SLC26A4: variants seen among roughly 807,000 people sequenced by gnomAD.
SLC26A4 encodes solute carrier family 26 member 4, also known as pendrin.
SLC26A4 carries 93 observed loss-of-function variants against 90.4 expected under a neutral mutation model. That is an observed-to-expected ratio of 1.03 (90% CI 0.87 to 1.22). The LOEUF is 1.22. Ranked by LOEUF, SLC26A4 falls within the 50% of genes most tolerant of loss-of-function variation. The pLI is 0.00. For synonymous variants in SLC26A4, 393 were observed against 354.6 expected, an observed-to-expected ratio of 1.11 and a Z score of -1.22; for missense variants, 1,127 against 946.2, an observed-to-expected ratio of 1.19 and a Z score of -2.51.
chr7:107,695,937 T>A lies in SLC26A4; in HGVS notation c.1442T>A (p.Ile481Asn). Residue 481 changes from isoleucine to asparagine, a missense_variant, in exon 13 of 21, where the codon ATC (isoleucine) becomes AAC (asparagine). Transcript: ENST00000644269. ...CATTTCTATTTTTTTCCCTAGGTTA[T>A]CTGGGTGTTTACGTGTATAGTGTCC... ...LWRQNKIDAVIWVFTCIVSII... is the reference protein window; with the variant it reads ...LWRQNKIDAVNWVFTCIVSII... 6.4e-7 allele frequency: 1 copy of A among 1,569,880 alleles called. No homozygotes were observed. The highest frequency in any genetic ancestry group is 8.8e-7 in the Non-Finnish European group (1 of 1,139,932).
chr7:107,664,216 T>A (rs1231045698), intron 3 of SLC26A4, among the ~76,000 whole-genome samples: 1 of 152,124 alleles, frequency 6.6e-6, no homozygotes, highest in Non-Finnish European at 1.5e-5. Flanking sequence ...CACGTGGATC[T>A]TTTTTGTTGG....
intron 4 of SLC26A4, among the ~76,000 whole-genome samples, chr7:107,672,742 T>G (rs1790909055): frequency 6.6e-6 from 1 of 152,220 alleles, no homozygotes; most frequent in Non-Finnish European, 1.5e-5. Flanking sequence ...ATTAGAAGAC[T>G]GGCAAAATCT....
intron 14 of SLC26A4, 96 bp from the exon 15 acceptor site, chr7:107,699,987 C>A (rs1428509582): frequency 5.1e-6 from 4 of 783,218 alleles, no homozygotes; most frequent in Non-Finnish European, 9.3e-6. Context: ...CTCCTCTGAG[C>A]AACTGTGACT....
rs1223288772 is a variant in SLC26A4 at position 107,694,685 on chromosome 7, C to T, written c.1406C>T (p.Pro469Leu). The T allele has an allele frequency of 6.2e-7, 1 of 1,613,244 alleles. No individual in the cohort carries two copies. The highest frequency in any genetic ancestry group is 8.5e-7 in the Non-Finnish European group (1 of 1,179,260). Residue 469 changes from proline to leucine, a missense_variant, in exon 12 of 21, where the codon CCT becomes CTT. Physicochemically the swap from Pro to Leu is moderately conservative, Grantham distance 98. Transcript: ENST00000644269. The part of the protein sequence containing the change: ...KGMFMQLCDI[P>L]RLWRQNKIDA... Reference sequence around the variant, plus strand: ...ATGTTTATGCAGCTGTGTGACATTCCTCGTCTGTGGAGACAGAATAAGATT... The same window carrying T: ...ATGTTTATGCAGCTGTGTGACATTCTTCGTCTGTGGAGACAGAATAAGATT...
chr7:107,687,090 G>A (rs1017182011), intron 8 of SLC26A4, among the ~76,000 whole-genome samples: 31 of 152,140 alleles, frequency 2.0e-4, no homozygotes, highest in African/African-American at 7.0e-4. Context: ...CTGGCCTGTC[G>A]TTTGTGGAAT....
intron 3 of SLC26A4, among the ~76,000 whole-genome samples, chr7:107,669,996 A>G (rs1790820191): frequency 6.6e-6 from 1 of 152,202 alleles, no homozygotes; most frequent in Non-Finnish European, 1.5e-5. Context: ...CTGCATTGGC[A>G]GTAATTTATT....
chr7:107,681,154 T>G (rs923140639), intron 6 of SLC26A4, among the ~76,000 whole-genome samples: 1 of 152,194 alleles, frequency 6.6e-6, no homozygotes, highest in Non-Finnish European at 1.5e-5. Context: ...TTTCAGTGAC[T>G]CTGAAAACCA....
intron 6 of SLC26A4, among the ~76,000 whole-genome samples, chr7:107,677,297 T>C (rs1791050783): frequency 1.3e-5 from 2 of 152,222 alleles, no homozygotes; most frequent in African/African-American, 4.8e-5. Context: ...CCATGATGTT[T>C]ATACTCAACT....
intron 3 of SLC26A4, among the ~76,000 whole-genome samples, chr7:107,671,768 C>T (rs1790873524): frequency 6.6e-6 from 1 of 152,174 alleles, no homozygotes; most frequent in African/African-American, 2.4e-5. Context: ...CCTAATAACC[C>T]ATTGCAAGTT....
At chr7:107,699,287 T>C (rs1182308074) in intron 14 of SLC26A4, among the ~76,000 whole-genome samples, 1 of 152,140 alleles carries the variant, frequency 6.6e-6, no homozygotes, top group African/African-American at 2.4e-5. Flanking sequence ...TAGACTAAAA[T>C]TGCTGATTCC....
rs372875358 is a variant in SLC26A4, at chr7:107,674,320, C to T, written c.572C>T (p.Ala191Val). 8.1e-6 allele frequency: 13 copies of T among 1,613,376 alleles called. No individual in the cohort carries two copies. In the South Asian group the frequency reaches 1.3e-4, roughly 16 times the overall value. ...RDTARVLIASALTLLVGIIQL... is the reference protein window; with the variant it reads ...RDTARVLIASVLTLLVGIIQL... The stretch of plus-strand genomic sequence containing the variant: ...ACAGCTAGAGTCCTGATTGCCAGTG[C>T]CCTGACTCTGCTGGTTGGAATTATA... The change falls in exon 5 of 21, where the codon GCC (alanine) becomes GTC (valine). Residue 191 changes from alanine to valine, a missense_variant. Transcript: ENST00000644269.
At chr7:107,675,239 G>T in intron 6 of SLC26A4, 130 bp downstream of exon 6, 1 of 817,040 alleles carries the variant, frequency 1.2e-6, no homozygotes, top group Non-Finnish European at 2.1e-6. Context: ...GCCGAGGTGG[G>T]CAGATTGCTT....
In SLC26A4 at chr7:107,686,294, A is replaced by ACCTTCCCTC. The variant is rs143524153; in HGVS notation, c.1002-2736_1002-2728dup. Among the ~76,000 whole-genome samples, 137 of 107,022 alleles carry ACCTTCCCTC rather than the reference A, an allele frequency of 1.3e-3. 1 individual carries two copies. Among genetic ancestry groups the ACCTTCCCTC allele is most frequent in the African/African-American group, 3.8e-3 (101 of 26,550 alleles). The allele number at this position is 107,022 out of a possible 152,430, so 70.2% of individuals were successfully genotyped here. On this transcript the variant is annotated intron_variant, in intron 8 of 20. Transcript: ENST00000644269. ...CTTCCCTCCCTTCCCTCCCTTTCCT[A>ACCTTCCCTC]CCTTCCCTCCCTTCCCTCCCTTCCC...
intron 15 of SLC26A4, 91 bp from the exon 16 acceptor site, chr7:107,701,010 C>T (rs1791869889): frequency 1.2e-6 from 1 of 813,278 alleles, no homozygotes; most frequent in Non-Finnish European, 2.2e-6. Context: ...AGGAATTATA[C>T]CCTTTGAGAA....
chr7:107,696,067 A>G (rs936220116), intron 13 of SLC26A4, 28 bp downstream of exon 13: 2 of 1,239,052 alleles, frequency 1.6e-6, no homozygotes, highest in Non-Finnish European at 2.4e-6. Flanking sequence ...CAGATTTCCT[A>G]TAAACAGAAC....
intron 15 of SLC26A4, 93 bp downstream of exon 15, chr7:107,700,268 C>T (rs1791852598): frequency 5.6e-6 from 4 of 718,912 alleles, no homozygotes; most frequent in Non-Finnish European, 1.0e-5. Context: ...CAGGAATAGG[C>T]CCTAGACCCT....
At chr7:107,665,358 G>A (rs1336967997) in intron 3 of SLC26A4, among the ~76,000 whole-genome samples, 1 of 152,214 alleles carries the variant, frequency 6.6e-6, no homozygotes, top group Non-Finnish European at 1.5e-5. Flanking sequence ...GATCAAGCAT[G>A]TTCTTAATCA....
At chr7:107,665,395 A>G (rs1790679161) in intron 3 of SLC26A4, among the ~76,000 whole-genome samples, 1 of 152,056 alleles carries the variant, frequency 6.6e-6, no homozygotes, top group Non-Finnish European at 1.5e-5. Context: ...AGAGACTAGG[A>G]TGGGCTGTGT....
chr7:107,670,429 A>G (rs534683745), intron 3 of SLC26A4, among the ~76,000 whole-genome samples: 2 of 151,882 alleles, frequency 1.3e-5, no homozygotes, highest in Non-Finnish European at 2.9e-5. Context: ...TTTAATGCGT[A>G]CACTCCCACA....
Sources: allele counts gnomAD v4.1 joint callset (sites outside exome capture counted in the v4.1 genomes callset), GRCh38; gene constraint gnomAD v4.1.1; transcripts MANE v1.5; gene names NCBI Gene and HGNC (gene_info 2026-07-23, HGNC 2026-07-21).